Variants in GARIN2 observed in about 807,000 individuals in gnomAD.
GARIN2 encodes Golgi-associated RAB2 interactor protein 2.
chr14:67,204,456 AATAT>A, the GARIN2 span: 1 of 1,361,106 alleles, frequency 7.3e-7, no homozygotes. Flanking sequence ...CAAACAAACA[AATAT>A]ATATATATAT....
At chr14:67,205,150 C>G in the GARIN2 span, 1 of 1,440,546 alleles carries the variant, frequency 6.9e-7, no homozygotes, top group South Asian at 1.4e-5. Context: ...TTACCGAGAT[C>G]ACACTTCTTG....
the GARIN2 span, among the ~76,000 whole-genome samples, chr14:67,202,407 T>C: frequency 6.6e-6 from 1 of 152,118 alleles, no homozygotes; most frequent in South Asian, 2.1e-4. Flanking sequence ...CCCATGGCAC[T>C]CCAGCCTGGG....
At chr14:67,195,499 T>C in the GARIN2 span, among the ~76,000 whole-genome samples, 1 of 152,152 alleles carries the variant, frequency 6.6e-6, no homozygotes, top group Non-Finnish European at 1.5e-5. Context: ...GTGTGAACCG[T>C]AGACACACCC....
the GARIN2 span, chr14:67,204,759 G>A: frequency 6.2e-6 from 10 of 1,613,170 alleles, no homozygotes; most frequent in Non-Finnish European, 8.5e-6. Flanking sequence ...CAGGAATTAC[G>A]AATAGCACAG....
chr14:67,216,991 C>T, the GARIN2 span, among the ~76,000 whole-genome samples: 2 of 152,030 alleles, frequency 1.3e-5, no homozygotes, highest in African/African-American at 4.8e-5. Flanking sequence ...ATGATTTGTC[C>T]AAGGCTAAGA....
chr14:67,224,022 A>T, the GARIN2 span: 4 of 971,214 alleles, frequency 4.1e-6, no homozygotes, highest in Non-Finnish European at 4.9e-6. Flanking sequence ...AATTCCTGGC[A>T]TTATTAAGCT....
the GARIN2 span, chr14:67,200,314 C>G: frequency 1.5e-6 from 1 of 662,574 alleles, no homozygotes. Flanking sequence ...CTTTGGAGCC[C>G]TCTCCCTCAG....
At chr14:67,207,934 A>G in the GARIN2 span, among the ~76,000 whole-genome samples, 1 of 152,204 alleles carries the variant, frequency 6.6e-6, no homozygotes, top group African/African-American at 2.4e-5. Context: ...TTAGATGCCA[A>G]CTGTCTTCTG....
At chr14:67,199,612 T>C in the GARIN2 span, 10 of 1,587,970 alleles carry the variant, frequency 6.3e-6, no homozygotes, top group African/African-American at 1.3e-5. Context: ...ACTCCAAGGG[T>C]GAGCGCCATG....
chr14:67,199,891 G>A, the GARIN2 span: 5 of 1,485,104 alleles, frequency 3.4e-6, no homozygotes, highest in Non-Finnish European at 3.6e-6. Flanking sequence ...CCCCCCATCG[G>A]CAGGAACCCC....
the GARIN2 span, chr14:67,201,462 G>A: frequency 1.3e-3 from 573 of 456,072 alleles, 5 homozygotes; most frequent in African/African-American, 0.011. Flanking sequence ...CATCTAAACA[G>A]GACAATGATA....
the GARIN2 span, among the ~76,000 whole-genome samples, chr14:67,218,255 G>A: frequency 2.6e-5 from 4 of 152,222 alleles, no homozygotes; most frequent in Non-Finnish European, 4.4e-5. Context: ...TGTTGTCTAT[G>A]AGTAGCAGCC....
At chr14:67,227,162 C>A in the GARIN2 span, among the ~76,000 whole-genome samples, 1 of 152,158 alleles carries the variant, frequency 6.6e-6, no homozygotes, top group Non-Finnish European at 1.5e-5. Flanking sequence ...TTGCTCCCAG[C>A]TGGGCGTGGT....
chr14:67,201,808 A>G, the GARIN2 span: 2 of 263,320 alleles, frequency 7.6e-6, no homozygotes, highest in Non-Finnish European at 1.5e-5. Context: ...TTTTAATTGA[A>G]CCAATTATCA....
chr14:67,206,628 C>A, the GARIN2 span, among the ~76,000 whole-genome samples: 1 of 152,108 alleles, frequency 6.6e-6, no homozygotes, highest in African/African-American at 2.4e-5. Flanking sequence ...GACAGAACTT[C>A]AAGATGATCT....
chr14:67,225,289 T>G, the GARIN2 span: 10 of 1,434,638 alleles, frequency 7.0e-6, no homozygotes, highest in Non-Finnish European at 8.3e-6. Context: ...TATAAGTCTC[T>G]ATAGGAATAC....
At chr14:67,208,525 TAACTC>T in the GARIN2 span, 4 of 1,442,968 alleles carry the variant, frequency 2.8e-6, no homozygotes, top group East Asian at 2.3e-5. Flanking sequence ...TTTAGTCTCT[TAACTC>T]AGGCATCTGC....
At chr14:67,203,457 T>C in the GARIN2 span, among the ~76,000 whole-genome samples, 1 of 152,218 alleles carries the variant, frequency 6.6e-6, no homozygotes, top group Admixed American at 6.5e-5. Flanking sequence ...GGTGAAATCA[T>C]GTATGACAAT....
At chr14:67,213,704 G>A in the GARIN2 span, among the ~76,000 whole-genome samples, 12 of 152,040 alleles carry the variant, frequency 7.9e-5, no homozygotes, top group Admixed American at 5.2e-4. Flanking sequence ...TGGGTCAAAT[G>A]GTATTTCTAG....
Sources: allele counts gnomAD v4.1 joint callset (sites outside exome capture counted in the v4.1 genomes callset), GRCh38; gene constraint gnomAD v4.1.1; transcripts MANE v1.5; gene names NCBI Gene and HGNC (gene_info 2026-07-23, HGNC 2026-07-21).